Variants in HSP90B1 observed in about 807,000 individuals in gnomAD.
HSP90B1 encodes the protein endoplasmin.
Under a neutral mutation model 100.4 loss-of-function variants are expected in HSP90B1, and 27 were observed. That is an observed-to-expected ratio of 0.27 (90% CI 0.20 to 0.37). The LOEUF is 0.37. Among genes scored for constraint, HSP90B1 ranks in the 10% least tolerant of loss-of-function variants. The pLI is 1.00. For synonymous variants in HSP90B1, 304 were observed against 330.8 expected, an observed-to-expected ratio of 0.92 and a Z score of 0.88; for missense variants, 678 against 960.5, an observed-to-expected ratio of 0.71 and a Z score of 3.89.
In HSP90B1 at chr12:103,947,448, T is replaced by A; in HGVS notation, c.2382+18T>A. ...CAGCAAAGGTATGGCAAATCAAGAA[T>A]GTGACTTGCATTTTCAGTTCTGGCA... is the stretch of plus-strand genomic sequence containing the variant. On this transcript the variant is annotated intron_variant, in intron 17 of 17. Coordinates refer to ENST00000299767, the MANE Select transcript of HSP90B1 (RefSeq NM_003299.3). The A allele has an allele frequency of 2.5e-6, 4 of 1,614,112 alleles. No individual in the cohort carries two copies. Among genetic ancestry groups the A allele is most frequent in the Non-Finnish European group, 2.5e-6 (3 of 1,179,978 alleles).
chr12:103,931,896 T>A, intron 2 of HSP90B1: 1 of 474,564 alleles, frequency 2.1e-6, no homozygotes, highest in Non-Finnish European at 3.9e-6. Context: ...TTGTATTCAT[T>A]AACTGTGTAC....
chr12:103,936,546 C>G lies in HSP90B1; in HGVS notation c.744-1149C>G, dbSNP rs550595280. The stretch of plus-strand genomic sequence containing the variant: ...CCTGTAGTCCCAGCTACTCAGGAGG[C>G]TGAGGTAGGAGGATTGCTTGAGCCT... On this transcript the variant is annotated intron_variant, in intron 5 of 17. Coordinates refer to ENST00000299767, the MANE Select transcript of HSP90B1 (RefSeq NM_003299.3). Among the ~76,000 whole-genome samples, 3 of 147,498 alleles carry G rather than the reference C, an allele frequency of 2.0e-5. No homozygotes were observed. The East Asian group carries it at 6.1e-4, about 30-fold the overall frequency.
intron 6 of HSP90B1, 96 bp downstream of exon 6, chr12:103,937,902 C>T (rs1869961767): frequency 4.6e-6 from 3 of 651,520 alleles, no homozygotes; most frequent in Non-Finnish European, 8.0e-6. Flanking sequence ...CGCGGTGGCT[C>T]ATGCTTGTAA....
In HSP90B1 at chr12:103,939,524, TG is replaced by T; in HGVS notation, c.994del (p.Asp332ThrfsTer5). On this transcript the variant is annotated frameshift_variant, in exon 8 of 18. Transcript: ENST00000299767. LOFTEE classifies it high-confidence loss of function. ...PKTKKVEKTV[W>X]DWELMNDIKP... is the part of the protein sequence containing the mutation. ...ATAACTTCAGGTTGAAAAAACTGTC[TG>T]GGACTGGGAACTTATGAATGATATC... 1.3e-6 allele frequency: 2 copies of T among 1,558,106 alleles called. No homozygotes were observed. Among genetic ancestry groups the T allele is most frequent in the Non-Finnish European group, 1.7e-6 (2 of 1,151,744 alleles).
chr12:103,931,030 A>AG (rs1869739427), intron 1 of HSP90B1, among the ~76,000 whole-genome samples: 3 of 152,324 alleles, frequency 2.0e-5, no homozygotes, highest in Admixed American at 2.0e-4. Flanking sequence ...TGGCAGTGTC[A>AG]GCGTGTTTGA....
chr12:103,931,746 C>T (rs1869770177), intron 2 of HSP90B1, 123 bp downstream of exon 2: 4 of 743,764 alleles, frequency 5.4e-6, no homozygotes, highest in Non-Finnish European at 9.6e-6. Flanking sequence ...ATTTAAATAC[C>T]CGGTGAGTTG....
Position 103,930,598 on chromosome 12 carries a change from C to G in HSP90B1, c.49+34C>G. The G allele has an allele frequency of 6.3e-7, 1 of 1,589,666 alleles. No individual in the cohort carries two copies. Among genetic ancestry groups the G allele is most frequent in the Non-Finnish European group, 8.6e-7 (1 of 1,168,904 alleles). On this transcript the variant is annotated intron_variant, in intron 1 of 17. Coordinates refer to ENST00000299767, the MANE Select transcript of HSP90B1 (RefSeq NM_003299.3). The surrounding 1 kb of genome is among the most constrained non-coding windows in gnomAD (Gnocchi z 4.4). ...TTCTGGAGGAGCAGACGTCCCCCCT[C>G]CACACACGCGGCCGCTTCTCGAAGG...
In HSP90B1 at chr12:103,932,261, T is replaced by TA; in HGVS notation, c.153-14dup. ...CTATGCCATGCAATATTTGCTTACC[T>TA]AACTGATTTCCTTAGAGAGGAAGAA... is the stretch of plus-strand genomic sequence containing the variant. On this transcript the variant is annotated splice_polypyrimidine_tract_variant and intron_variant, in intron 2 of 17. Transcript: ENST00000299767. 6.3e-7 allele frequency: 1 copy of TA among 1,597,952 alleles called. No homozygotes were observed.
In HSP90B1 at chr12:103,943,819, A is replaced by G; in HGVS notation, c.1972A>G (p.Met658Val). Residue 658 changes from methionine to valine, a missense_variant, in exon 14 of 18, where the codon ATG becomes GTG. By Grantham distance (21) the Met-to-Val change is conservative. Transcript: ENST00000299767. This position sits in a 1 kb window ranked among gnomAD's most constrained non-coding sequence, Gnocchi z 5.3. Reference protein sequence around the residue: ...VASQYGWSGNMERIMKAQAYQ... With the variant: ...VASQYGWSGNVERIMKAQAYQ... Reference sequence around the variant, plus strand: ...CAGCCAGTACGGATGGTCTGGCAACATGGAGAGAATCATGAAAGCACAAGC... The same window carrying G: ...CAGCCAGTACGGATGGTCTGGCAACGTGGAGAGAATCATGAAAGCACAAGC... 6.2e-7 allele frequency: 1 copy of G among 1,614,160 alleles called. No homozygotes were observed. The highest frequency in any genetic ancestry group is 8.5e-7 in the Non-Finnish European group (1 of 1,180,012).
At chr12:103,941,946 T>A (rs368285864) in intron 11 of HSP90B1, 49 bp downstream of exon 11, 1 of 1,412,484 alleles carries the variant, frequency 7.1e-7, no homozygotes, top group South Asian at 1.2e-5. Context: ...TGATTGGGGT[T>A]CAGAGGACAG....
chr12:103,947,743 G>A lies in HSP90B1; in HGVS notation c.*81G>A, dbSNP rs751380940. Reference sequence around the variant, plus strand: ...TTTCTTTTTGGGAGAGACTTGTTTTGGATGCCCCCTAATCCCCTTCTCCCC... The same window carrying A: ...TTTCTTTTTGGGAGAGACTTGTTTTAGATGCCCCCTAATCCCCTTCTCCCC... On this transcript the variant is annotated 3_prime_UTR_variant, in exon 18 of 18. Coordinates refer to ENST00000299767, the MANE Select transcript of HSP90B1 (RefSeq NM_003299.3). 6.8e-6 allele frequency: 8 copies of A among 1,179,222 alleles called. No individual in the cohort carries two copies. Among genetic ancestry groups the A allele is most frequent in the African/African-American group, 3.0e-5 (2 of 66,138 alleles). The allele number at this position is 1,179,222 out of a possible 1,614,324, so 73.0% of individuals were successfully genotyped here.
chr12:103,934,323 C>G (rs1260942551), intron 5 of HSP90B1, 36 bp downstream of exon 5: 4 of 1,497,574 alleles, frequency 2.7e-6, no homozygotes, highest in Non-Finnish European at 3.7e-6. Flanking sequence ...AATTAATAGT[C>G]ATGGTGAGGA....
In HSP90B1 at chr12:103,942,679, T is replaced by G; in HGVS notation, c.1527T>G (p.Leu509=). The change falls in exon 12 of 18, where the codon CTT becomes CTG. Residue 509 remains leucine (L), a synonymous_variant. Coordinates refer to ENST00000299767, the MANE Select transcript of HSP90B1 (RefSeq NM_003299.3). The part of the protein sequence containing the change: ...DHSNRTRLAK[L]LRFQSSHHPT... ...CGAATCGAACACGTCTTGCTAAACT[T>G]CTTAGGTTCCAGTCTTCTCATCATC... 2 of 1,613,954 alleles carry G rather than the reference T, an allele frequency of 1.2e-6. No individual in the cohort carries two copies. The highest frequency in any genetic ancestry group is 1.7e-6 in the Non-Finnish European group (2 of 1,179,864).
At chr12:103,939,653 G>A in intron 8 of HSP90B1, 28 bp downstream of exon 8, 1 of 1,053,794 alleles carries the variant, frequency 9.5e-7, no homozygotes, top group East Asian at 2.6e-5. Context: ...CCTAGTTTCT[G>A]GTTATTAATG....
At chr12:103,945,831 C>G (rs1290374126) in intron 14 of HSP90B1, among the ~76,000 whole-genome samples, 2 of 152,278 alleles carry the variant, frequency 1.3e-5, no homozygotes, top group East Asian at 3.9e-4. Flanking sequence ...CGTGTGTAAT[C>G]TCAACACTTT....
Position 103,933,998 on chromosome 12 carries a change from G to A in HSP90B1, c.454G>A (p.Val152Ile). ...KNLLHVTDTG[V>I]GMTREELVKN... ...CCTGCTGCATGTCACAGACACCGGT[G>A]TAGGAATGACCAGAGAAGAGTTGGT... Residue 152 changes from valine (V) to isoleucine (I), a missense_variant, in exon 5 of 18, where the codon GTA becomes ATA. Physicochemically the swap from Val to Ile is conservative, Grantham distance 29 (BLOSUM62 3). Transcript: ENST00000299767. The A allele has an allele frequency of 6.2e-7, 1 of 1,614,224 alleles. No homozygotes were observed.
intron 7 of HSP90B1, 185 bp downstream of exon 7, chr12:103,938,644 G>A: frequency 8.4e-6 from 4 of 476,916 alleles, no homozygotes; most frequent in Non-Finnish European, 1.5e-5. Flanking sequence ...AAAGTTTTAA[G>A]TATCAAACCC....
At chr12:103,941,995 C>A in intron 11 of HSP90B1, 98 bp downstream of exon 11, 1 of 858,828 alleles carries the variant, frequency 1.2e-6, no homozygotes, top group Non-Finnish European at 1.9e-6. Flanking sequence ...TGGGTCTGGT[C>A]CATGATTCTT....
chr12:103,932,049 AT>A (rs36044446), intron 2 of HSP90B1: 7,602 of 399,182 alleles, frequency 0.019, 4 homozygotes, highest in East Asian at 0.026. Context: ...GAAAGTTGGG[AT>A]TTTTTTTTTT....
Sources: gnomAD v4.1 joint callset for allele counts (sites outside exome capture counted in the v4.1 genomes callset) on GRCh38, gnomAD v4.1.1 for gene constraint, Gnocchi (gnomAD v3.1) non-coding constraint, MANE v1.5 for transcripts, NCBI Gene and HGNC (gene_info 2026-07-23, HGNC 2026-07-21) for gene names.